The following PRKAR2A variants were observed in gnomAD, a reference collection of about 807,000 sequenced individuals.
PRKAR2A encodes the protein protein kinase cAMP-dependent type II regulatory subunit alpha.
A neutral mutation model predicts 51.9 loss-of-function variants in PRKAR2A; 29 were observed. The ratio of observed to expected loss-of-function variants is 0.56; its 90% CI spans 0.42 to 0.76. The LOEUF is 0.76. Among genes scored for constraint, PRKAR2A ranks in the 30% least tolerant of loss-of-function variants. The probability of loss-of-function intolerance (pLI) is 0.00; values close to 1 mark genes in which losing one functional copy is unlikely to be tolerated. For synonymous variants in PRKAR2A, 178 were observed against 186.2 expected (o/e 0.96, Z 0.36); for missense variants, 445 against 512.1 (o/e 0.87, Z 1.26).
chr3:48,822,210 CAAA>C (rs34189728), intron 1 of PRKAR2A, among the ~76,000 whole-genome samples: 2 of 109,064 alleles, frequency 1.8e-5, no homozygotes, highest in African/African-American at 3.6e-5. Context: ...GATTCTGTCT[CAAA>C]AAAAAAAAAA....
At chr3:48,836,118 T>C (rs1250790114) in intron 1 of PRKAR2A, among the ~76,000 whole-genome samples, 1 of 151,880 alleles carries the variant, frequency 6.6e-6, no homozygotes, top group Non-Finnish European at 1.5e-5. Flanking sequence ...GATATTTACA[T>C]GTAAAAGAAT....
At chr3:48,801,508 C>T (rs2082590106) in intron 2 of PRKAR2A, among the ~76,000 whole-genome samples, 2 of 151,848 alleles carry the variant, frequency 1.3e-5, no homozygotes, top group African/African-American at 4.8e-5. Flanking sequence ...AGGCTGATCT[C>T]GAACTCCTGA....
In PRKAR2A at chr3:48,747,105, C is replaced by A. The variant is rs1222676822; in HGVS notation, c.*4480G>T. ...TAGCCCTGCAGTGTGTAAAAGGAAA[C>A]CTATGGGAAGGCTGCTTCCCATAAA... On this transcript the variant is annotated 3_prime_UTR_variant, in exon 11 of 11. Coordinates refer to ENST00000265563, the MANE Select transcript of PRKAR2A (RefSeq NM_004157.4). The A allele has an allele frequency of 7.1e-6, 1 of 141,782 alleles. No individual in the cohort carries two copies. The highest frequency in any genetic ancestry group is 2.6e-5 in the African/African-American group (1 of 37,882). 8.8% of individuals were successfully genotyped at this position (141,782 alleles called of 1,614,324 possible).
At chr3:48,844,773 T>C (rs1399223493) in intron 1 of PRKAR2A, among the ~76,000 whole-genome samples, 2 of 142,678 alleles carry the variant, frequency 1.4e-5, no homozygotes, top group African/African-American at 5.2e-5. Flanking sequence ...CACTCACAGA[T>C]GGGAATTGAA....
Position 48,847,801 on chromosome 3 carries a change from C to G in PRKAR2A, c.-205G>C, listed in dbSNP as rs576140511. ...GCCGACCTGGCACCGCCGCCGCTGT[C>G]ACTGGGCAGCCGCCGCCGCCGCGGG... is the stretch of plus-strand genomic sequence containing the variant. On this transcript the variant is annotated 5_prime_UTR_variant, in exon 1 of 11. Transcript: ENST00000265563. The surrounding 1 kb of genome is among the most constrained non-coding windows in gnomAD (Gnocchi z 4.4). 2.2e-6 allele frequency: 1 copy of G among 463,070 alleles called. No homozygotes were observed. The highest frequency in any genetic ancestry group is 9.2e-5 in the South Asian group (1 of 10,898). 28.7% of individuals were successfully genotyped at this position (463,070 alleles called of 1,614,324 possible). A position where few individuals can be genotyped will look rare whatever the true frequency, so the allele number is the denominator to read the frequency against.
chr3:48,812,323 T>A (rs1269160635), intron 1 of PRKAR2A, among the ~76,000 whole-genome samples: 1 of 152,028 alleles, frequency 6.6e-6, no homozygotes, highest in African/African-American at 2.4e-5. Context: ...AAACCATCTG[T>A]CCTCATGGAA....
chr3:48,790,801 TA>T (rs2082369947), intron 3 of PRKAR2A, among the ~76,000 whole-genome samples, 174 bp from the exon 4 acceptor site: 1 of 152,176 alleles, frequency 6.6e-6, no homozygotes, highest in African/African-American at 2.4e-5. Context: ...CAATGTAATA[TA>T]GGGGTGAAAA....
chr3:48,771,164 G>A (rs1639813691), intron 6 of PRKAR2A, among the ~76,000 whole-genome samples: 1 of 151,834 alleles, frequency 6.6e-6, no homozygotes, highest in African/African-American at 2.4e-5. Context: ...AACCCAGGAG[G>A]CAGAGGTTGC....
chr3:48,787,868 T>G (rs911298824), intron 4 of PRKAR2A, among the ~76,000 whole-genome samples: 3 of 152,200 alleles, frequency 2.0e-5, no homozygotes, highest in Non-Finnish European at 4.4e-5. Context: ...CCCAGATTCC[T>G]AAGGAGGGCT....
At chr3:48,827,984 G>A (rs1002428454) in intron 1 of PRKAR2A, among the ~76,000 whole-genome samples, 3 of 151,856 alleles carry the variant, frequency 2.0e-5, no homozygotes, top group Non-Finnish European at 2.9e-5. Context: ...CCTGCCTCAA[G>A]CCTCCCAAGT....
At chr3:48,779,229 G>A (rs948088993) in intron 5 of PRKAR2A, among the ~76,000 whole-genome samples, 1 of 152,066 alleles carries the variant, frequency 6.6e-6, no homozygotes, top group Non-Finnish European at 1.5e-5. Context: ...CAAAGTGCTG[G>A]GATTGCAGGT....
chr3:48,825,514 T>C (rs1238485993), intron 1 of PRKAR2A, among the ~76,000 whole-genome samples: 2 of 151,996 alleles, frequency 1.3e-5, no homozygotes, highest in African/African-American at 4.8e-5. Flanking sequence ...CATGGTGGCA[T>C]GCGCCTGTAA....
In PRKAR2A at chr3:48,847,377, C is replaced by A. The variant is rs772547535; in HGVS notation, c.220G>T (p.Ala74Ser). 1.2e-6 allele frequency: 2 copies of A among 1,612,992 alleles called. No homozygotes were observed. Among genetic ancestry groups the A allele is most frequent in the African/African-American group, 2.7e-5 (2 of 74,882 alleles). ...TCCTCCGACTCGCTGTCCCCTTTGG[C>A]GTCGGCGACACGGTCCGGGCCGGGT... ...PEPGPDRVAD[A>S]KGDSESEEDE... Residue 74 changes from alanine (A) to serine (S), a missense_variant, in exon 1 of 11, where the codon GCC becomes TCC. Physicochemically the swap from Ala to Ser is moderately conservative, Grantham distance 99. Coordinates refer to ENST00000265563, the MANE Select transcript of PRKAR2A (RefSeq NM_004157.4). This position sits in a 1 kb window ranked among gnomAD's most constrained non-coding sequence, Gnocchi z 4.4.
chr3:48,766,991 A>C (rs2081951133), intron 6 of PRKAR2A, among the ~76,000 whole-genome samples: 1 of 152,148 alleles, frequency 6.6e-6, no homozygotes, highest in African/African-American at 2.4e-5. Flanking sequence ...TAAGTAATGG[A>C]TTCTGATCAG....
intron 8 of PRKAR2A, among the ~76,000 whole-genome samples, chr3:48,764,789 T>A (rs1285048840): frequency 6.6e-6 from 1 of 152,162 alleles, no homozygotes; most frequent in Non-Finnish European, 1.5e-5. Context: ...CACACCCAGC[T>A]AATTTTTGTA....
Position 48,765,366 on chromosome 3 carries a change from G to A in PRKAR2A, c.697-17C>T, listed in dbSNP as rs1364540026. The A allele has an allele frequency of 1.9e-6, 3 of 1,547,622 alleles. No individual in the cohort carries two copies. Among genetic ancestry groups the A allele is most frequent in the Non-Finnish European group, 2.6e-6 (3 of 1,133,560 alleles). ...CACCCGGTCCTACAAGAAAGAATAT[G>A]AAAATTCTAGTAAATGCCTATATAC... On this transcript the variant is annotated splice_polypyrimidine_tract_variant and intron_variant, in intron 6 of 10. Transcript: ENST00000265563.
intron 1 of PRKAR2A, among the ~76,000 whole-genome samples, chr3:48,814,558 A>AT (rs911948638): frequency 6.6e-6 from 1 of 152,214 alleles, no homozygotes; most frequent in Non-Finnish European, 1.5e-5. Context: ...TAAGAAAAAT[A>AT]TTTTTTGAAT....
At position 48,746,948 on chromosome 3, in the gene PRKAR2A, G is replaced by T. The variant is rs191114159; in HGVS notation, c.*4637C>A. The stretch of plus-strand genomic sequence containing the variant: ...AATTAGATTTATTTTATTACAGTGA[G>T]CTTAAAAAAACAACACGGAATCTAC... On this transcript the variant is annotated 3_prime_UTR_variant, in exon 11 of 11. Transcript: ENST00000265563. 12 of 151,028 alleles carry T rather than the reference G, an allele frequency of 7.9e-5. No homozygotes were observed. In the East Asian group the frequency reaches 2.3e-3, roughly 29 times the overall value. The allele number at this position is 151,028 out of a possible 1,614,324, so 9.4% of individuals were successfully genotyped here. A position where few individuals can be genotyped will look rare whatever the true frequency, so the allele number is the denominator to read the frequency against.
chr3:48,751,495 C>G lies in PRKAR2A; in HGVS notation c.*90G>C. 2 of 1,556,528 alleles carry G rather than the reference C, an allele frequency of 1.3e-6. No individual in the cohort carries two copies. Among genetic ancestry groups the G allele is most frequent in the South Asian group, 1.1e-5 (1 of 87,480 alleles). On this transcript the variant is annotated 3_prime_UTR_variant, in exon 11 of 11. Transcript: ENST00000265563. ...GCAGCAGTGGCGGCAACGGCAGGAA[C>G]AGTTCTGTCATGTCTGTTTTCTGTA...
Sources: allele counts gnomAD v4.1 joint callset (sites outside exome capture counted in the v4.1 genomes callset), GRCh38; gene constraint gnomAD v4.1.1; non-coding constraint Gnocchi (gnomAD v3.1); transcripts MANE v1.5; gene names NCBI Gene and HGNC (gene_info 2026-07-23, HGNC 2026-07-21).